Variants in KIAA1217 observed in about 807,000 individuals in gnomAD.
KIAA1217 encodes the protein sickle tail protein homolog.
KIAA1217 carries 88 observed loss-of-function variants against 163.9 expected under a neutral mutation model. The ratio of observed to expected loss-of-function variants is 0.54; its 90% CI spans 0.45 to 0.64. The LOEUF (loss-of-function observed/expected upper bound fraction) is 0.64. Ranked by LOEUF, KIAA1217 falls within the 30% of genes least tolerant of loss-of-function variation. The probability of loss-of-function intolerance (pLI) is 0.00; values close to 1 mark genes in which losing one functional copy is unlikely to be tolerated. For synonymous variants in KIAA1217, 903 were observed against 923.1 expected (o/e 0.98, Z 0.39); for missense variants, 2,372 against 2,475.0 (o/e 0.96, Z 0.88).
chr10:23,963,740 A>C (rs1263807098), intron 1 of KIAA1217, among the ~76,000 whole-genome samples: 1 of 152,144 alleles, frequency 6.6e-6, no homozygotes, highest in Non-Finnish European at 1.5e-5. Context: ...CAACAGTGTA[A>C]AAGCGTTCCT....
At chr10:23,880,814 AT>A (rs1840916391) in intron 1 of KIAA1217, among the ~76,000 whole-genome samples, 1 of 98,432 alleles carries the variant, frequency 1.0e-5, no homozygotes, top group East Asian at 2.6e-4. Context: ...ATGGGGAAAC[AT>A]AGAATTGATG....
chr10:24,163,473 T>G (rs1285782149), intron 2 of KIAA1217, among the ~76,000 whole-genome samples: 2 of 152,300 alleles, frequency 1.3e-5, no homozygotes, highest in East Asian at 3.9e-4. Context: ...GGTGATTTTG[T>G]TTTACAAAAT....
chr10:24,306,788 C>T (rs1023395828), intron 2 of KIAA1217, among the ~76,000 whole-genome samples: 2 of 152,220 alleles, frequency 1.3e-5, no homozygotes, highest in African/African-American at 2.4e-5. Context: ...AAAGGGACAT[C>T]GTGTCTTTCA....
chr10:24,095,431 A>G (rs1173391949), intron 2 of KIAA1217, among the ~76,000 whole-genome samples: 1 of 152,160 alleles, frequency 6.6e-6, no homozygotes, highest in African/African-American at 2.4e-5. Flanking sequence ...AGGACTTGAT[A>G]GTCCATAGCT....
chr10:24,055,890 A>G (rs1279560727), intron 2 of KIAA1217, among the ~76,000 whole-genome samples: 1 of 152,102 alleles, frequency 6.6e-6, no homozygotes, highest in Non-Finnish European at 1.5e-5. Flanking sequence ...AAATAATAAC[A>G]GGAGCTGTAC....
At chr10:24,079,287 G>C (rs1333950821) in intron 2 of KIAA1217, among the ~76,000 whole-genome samples, 1 of 152,194 alleles carries the variant, frequency 6.6e-6, no homozygotes, top group Non-Finnish European at 1.5e-5. Flanking sequence ...TACAGTAGAG[G>C]CTCAGCATCA....
At chr10:24,279,497 C>T (rs191485533) in intron 2 of KIAA1217, among the ~76,000 whole-genome samples, 31 of 151,946 alleles carry the variant, frequency 2.0e-4, no homozygotes, top group African/African-American at 7.2e-4. Context: ...GGAAAATTTT[C>T]CCTAGAAAAT....
At chr10:24,518,463 G>C (rs995035616) in intron 10 of KIAA1217, among the ~76,000 whole-genome samples, 2 of 152,180 alleles carry the variant, frequency 1.3e-5, no homozygotes, top group African/African-American at 4.8e-5. Flanking sequence ...ATATTGTATA[G>C]AAGAGATCAA....
intron 1 of KIAA1217, among the ~76,000 whole-genome samples, chr10:23,984,026 G>A (rs1183434731): frequency 6.6e-6 from 1 of 152,182 alleles, no homozygotes; most frequent in African/African-American, 2.4e-5. Context: ...AAGACTGGGA[G>A]GTACATAGCA....
Position 24,303,293 on chromosome 10 carries a change from G to A in KIAA1217, c.355-77576G>A, listed in dbSNP as rs138978566. On this transcript the variant is annotated intron_variant, in intron 2 of 20. Transcript: ENST00000376454. ...GATCTCCCTAAGTGCTAGGATTACA[G>A]GCATGAGCCACCACACCTGGCCTCC... Among the ~76,000 whole-genome samples the A allele has an allele frequency of 1.8e-3, 271 of 152,232 alleles. 4 individuals are homozygous for A. The East Asian group carries it at 0.034, about 19-fold the overall frequency.
chr10:23,700,361 C>T (rs764047365), intron 1 of KIAA1217, among the ~76,000 whole-genome samples: 2 of 152,162 alleles, frequency 1.3e-5, no homozygotes, highest in Admixed American at 1.3e-4. Context: ...GCAGTGACTT[C>T]CCAACCTCTC....
At chr10:24,274,536 A>T (rs1007922927) in intron 2 of KIAA1217, among the ~76,000 whole-genome samples, 1 of 152,172 alleles carries the variant, frequency 6.6e-6, no homozygotes, top group Non-Finnish European at 1.5e-5. Flanking sequence ...TACTTATGGC[A>T]TTTTTACTGC....
intron 1 of KIAA1217, among the ~76,000 whole-genome samples, chr10:23,970,029 G>A (rs1436436110): frequency 6.6e-6 from 1 of 152,156 alleles, no homozygotes; most frequent in East Asian, 1.9e-4. Context: ...AACAGTATGG[G>A]GGAAACTGCC....
chr10:24,207,685 A>G (rs2067641400), upstream of KIAA1217, among the ~76,000 whole-genome samples: 1 of 152,226 alleles, frequency 6.6e-6, no homozygotes, highest in African/African-American at 2.4e-5. Flanking sequence ...CTTGGATTTC[A>G]AGAAAAATCC....
At chr10:23,893,222 G>C (rs1055828928) in intron 1 of KIAA1217, among the ~76,000 whole-genome samples, 3 of 152,038 alleles carry the variant, frequency 2.0e-5, no homozygotes, top group Non-Finnish European at 4.4e-5. Flanking sequence ...AGTCTTGGGA[G>C]GGTGTATGTG....
chr10:24,387,171 C>T (rs1401164757), intron 3 of KIAA1217, among the ~76,000 whole-genome samples: 1 of 152,204 alleles, frequency 6.6e-6, no homozygotes, highest in Non-Finnish European at 1.5e-5. Context: ...TTCTGGCAAA[C>T]TGAATCCAGC....
chr10:23,831,636 G>A lies in KIAA1217; in HGVS notation c.-321+136402G>A, dbSNP rs16923939. Among the ~76,000 whole-genome samples the A allele has an allele frequency of 5.2e-3, 792 of 152,204 alleles. 11 individuals carry two copies. Among genetic ancestry groups the A allele is most frequent in the African/African-American group, 0.017 (715 of 41,546 alleles). On this transcript the variant is annotated intron_variant, in intron 1 of 18. Coordinates refer to the KIAA1217 transcript ENST00000376462. The stretch of plus-strand genomic sequence containing the variant: ...TATGTGTATTAATGATAAAATTTGA[G>A]TAGTACAGAGATGATAATACATAAA...
intron 1 of KIAA1217, among the ~76,000 whole-genome samples, chr10:23,934,621 A>ATTTTTTTTTTT (rs1417805516): frequency 2.4e-4 from 15 of 61,734 alleles, no homozygotes; most frequent in Admixed American, 4.6e-4. Flanking sequence ...ATATATATAT[A>ATTTTTTTTTTT]TATATTTTTT....
chr10:24,317,510 A>G (rs2043552218), intron 2 of KIAA1217, among the ~76,000 whole-genome samples: 1 of 152,176 alleles, frequency 6.6e-6, no homozygotes, highest in African/African-American at 2.4e-5. Context: ...AATGAGGACA[A>G]GGGGTGATGA....
Sources: allele counts gnomAD v4.1 joint callset (sites outside exome capture counted in the v4.1 genomes callset), GRCh38; gene constraint gnomAD v4.1.1; transcripts MANE v1.5; gene names NCBI Gene and HGNC (gene_info 2026-07-23, HGNC 2026-07-21).